The following MTPN variants were observed in gnomAD, a reference collection of about 807,000 sequenced individuals.
The protein encoded by MTPN is myotrophin, also known as granule cell differentiation protein.
In MTPN, 2 loss-of-function variants were observed where a neutral mutation model predicts 13.5. The ratio of observed to expected loss-of-function variants is 0.15; its 90% confidence interval spans 0.06 to 0.47. The LOEUF (loss-of-function observed/expected upper bound fraction) is 0.47, where lower values mean the gene tolerates loss of function less well. Among genes scored for constraint, MTPN ranks in the 20% least tolerant of loss-of-function variants. The pLI is 0.97. For missense variants in MTPN, 79 were observed against 137.9 expected, an observed-to-expected ratio of 0.57 and a Z score of 2.14; for synonymous variants, 46 against 51.7, an observed-to-expected ratio of 0.89 and a Z score of 0.48.
chr7:135,960,554 A>G (rs1222257368), intron 1 of MTPN: 1 of 152,050 alleles, frequency 6.6e-6, no homozygotes, highest in African/African-American at 2.4e-5. Context: ...AAGAAAACCA[A>G]TATGGAGGTA....
At chr7:135,959,508 GA>G (rs1799491548) in intron 1 of MTPN, among the ~76,000 whole-genome samples, 1 of 152,130 alleles carries the variant, frequency 6.6e-6, no homozygotes, top group African/African-American at 2.4e-5. Context: ...TATAGAATTA[GA>G]TTAAGCTGAC....
At chr7:135,947,033 G>A (rs927118925) in intron 3 of MTPN, among the ~76,000 whole-genome samples, 3 of 151,972 alleles carry the variant, frequency 2.0e-5, no homozygotes, top group African/African-American at 7.3e-5. Context: ...CTCTGGATTT[G>A]GTGAAAATAC....
chr7:135,953,324 T>G (rs1799393150), intron 1 of MTPN, among the ~76,000 whole-genome samples: 1 of 152,246 alleles, frequency 6.6e-6, no homozygotes, highest in African/African-American at 2.4e-5. Context: ...TATGCCTTCT[T>G]TCCCAACAGA....
chr7:135,945,069 G>C (rs1221632320), intron 3 of MTPN, among the ~76,000 whole-genome samples: 1 of 152,168 alleles, frequency 6.6e-6, no homozygotes, highest in African/African-American at 2.4e-5. Flanking sequence ...ACGATGGTAA[G>C]TATTTGTGTA....
chr7:135,972,231 G>GCGCACACA (rs779296906), intron 1 of MTPN, among the ~76,000 whole-genome samples: 10 of 124,718 alleles, frequency 8.0e-5, no homozygotes, highest in East Asian at 5.0e-4. Flanking sequence ...GCACGCGCGC[G>GCGCACACA]CACACACACA....
Position 135,977,201 on chromosome 7 carries a change from G to T in MTPN, c.-101C>A. On this transcript the variant is annotated 5_prime_UTR_variant, in exon 1 of 4. Coordinates refer to ENST00000393085, the MANE Select transcript of MTPN (RefSeq NM_145808.4). ...CGAGAGGGAGGCAGGGCCGCGCGAA[G>T]CCGGAGAGGAGAAGAAGAGAAGGAG... The T allele has an allele frequency of 8.3e-7, 1 of 1,209,978 alleles. No homozygotes were observed. The highest frequency in any genetic ancestry group is 1.2e-6 in the Non-Finnish European group (1 of 821,184). The allele number at this position is 1,209,978 out of a possible 1,614,324, so 75.0% of individuals were successfully genotyped here. A position where few individuals can be genotyped will look rare whatever the true frequency, so the allele number is the denominator to read the frequency against.
intron 3 of MTPN, among the ~76,000 whole-genome samples, chr7:135,940,459 G>T (rs1239022237): frequency 6.6e-6 from 1 of 152,098 alleles, no homozygotes; most frequent in Admixed American, 6.5e-5. Flanking sequence ...AAAACACAGT[G>T]ATTGTTACCT....
At chr7:135,933,864 G>A (rs1799069207) in intron 3 of MTPN, among the ~76,000 whole-genome samples, 1 of 152,042 alleles carries the variant, frequency 6.6e-6, no homozygotes, top group Non-Finnish European at 1.5e-5. Flanking sequence ...TAATGGTTTG[G>A]CACCACCCCT....
intron 1 of MTPN, among the ~76,000 whole-genome samples, chr7:135,972,450 G>A (rs2116413928): frequency 6.6e-6 from 1 of 152,308 alleles, no homozygotes. Flanking sequence ...GTGCTTTCCA[G>A]TACCTGACAA....
chr7:135,954,920 G>A (rs1265704671), intron 1 of MTPN, among the ~76,000 whole-genome samples: 1 of 152,214 alleles, frequency 6.6e-6, no homozygotes, highest in Non-Finnish European at 1.5e-5. Context: ...TCCAGCCTGG[G>A]TGACAGAGCG....
intron 1 of MTPN, among the ~76,000 whole-genome samples, chr7:135,957,620 T>C (rs1415680377): frequency 6.6e-6 from 1 of 152,218 alleles, no homozygotes; most frequent in Non-Finnish European, 1.5e-5. Context: ...CATAGTGCTA[T>C]AATTTTGATG....
intron 1 of MTPN, among the ~76,000 whole-genome samples, chr7:135,958,032 G>A (rs978627202): frequency 6.7e-6 from 1 of 150,196 alleles, no homozygotes; most frequent in South Asian, 2.1e-4. Flanking sequence ...AACCCTAAAC[G>A]GACTAAAACA....
intron 1 of MTPN, among the ~76,000 whole-genome samples, chr7:135,973,638 C>A (rs373327400): frequency 6.6e-6 from 1 of 152,070 alleles, no homozygotes; most frequent in Non-Finnish European, 1.5e-5. Context: ...ACATCCAGAT[C>A]AAAAATGGGG....
rs1191133766 is a variant in MTPN at position 135,951,627 on chromosome 7, C to T, written c.76G>A (p.Glu26Lys). Residue 26 changes from glutamate (E) to lysine (K), a missense_variant, in exon 2 of 4, where the codon GAA becomes AAA. By Grantham distance (56) the Glu-to-Lys change is moderately conservative. Transcript: ENST00000393085. ...CCTTCTAGTGTCCGGTTGACATCTT[C>T]TCCCTGATAAGAAAACCAAATGAAA... ...DEVKDYVAKG[E>K]DVNRTLEGGR... 1 of 1,603,914 alleles carries T rather than the reference C, an allele frequency of 6.2e-7. No homozygotes were observed. The highest frequency in any genetic ancestry group is 2.2e-5 in the East Asian group (1 of 44,768).
chr7:135,935,223 T>C (rs577196707), intron 3 of MTPN, among the ~76,000 whole-genome samples: 3 of 151,872 alleles, frequency 2.0e-5, no homozygotes, highest in African/African-American at 7.2e-5. Context: ...GTATAAACAT[T>C]TGGATGCAAT....
At chr7:135,970,475 T>C (rs936300915) in intron 1 of MTPN, among the ~76,000 whole-genome samples, 2 of 152,200 alleles carry the variant, frequency 1.3e-5, no homozygotes, top group East Asian at 3.8e-4. Context: ...TCTTTTCTGT[T>C]TTAAAAACAC....
intron 2 of MTPN, 130 bp from the exon 3 acceptor site, chr7:135,950,812 A>G (rs1799354118): frequency 1.4e-6 from 1 of 720,440 alleles, no homozygotes; most frequent in East Asian, 2.6e-5. Context: ...ATCAATCCAC[A>G]GAGTCAAGTG....
Position 135,954,749 on chromosome 7 carries a change from T to A in MTPN, c.73-3119A>T, listed in dbSNP as rs377074166. ...CGAGGTCAGGAGATCGAGACCATCC[T>A]TGCTAACACGGTGAAACCCCGTCTC... On this transcript the variant is annotated intron_variant, in intron 1 of 3. Transcript: ENST00000393085. Among the ~76,000 whole-genome samples the A allele has an allele frequency of 5.9e-5, 9 of 152,260 alleles. No homozygotes were observed. In the East Asian group the frequency reaches 1.7e-3, roughly 29 times the overall value.
intron 3 of MTPN, among the ~76,000 whole-genome samples, chr7:135,945,112 G>A (rs908429986): frequency 1.3e-5 from 2 of 152,166 alleles, no homozygotes; most frequent in Non-Finnish European, 2.9e-5. Context: ...TAAAAATACA[G>A]TATAAAAGAT....
Sources: gnomAD v4.1 joint callset for allele counts (sites outside exome capture counted in the v4.1 genomes callset) on GRCh38, gnomAD v4.1.1 for gene constraint, MANE v1.5 for transcripts, NCBI Gene and HGNC (gene_info 2026-07-23, HGNC 2026-07-21) for gene names.